The following CADPS2 variants were observed in gnomAD, a reference collection of about 807,000 sequenced individuals.
The protein encoded by CADPS2 is calcium dependent secretion activator 2, also known as calcium-dependent secretion activator 2.
In CADPS2, 93 loss-of-function variants were observed where a neutral mutation model predicts 172.5. The ratio of observed to expected loss-of-function variants is 0.54; its 90% CI spans 0.46 to 0.64. The LOEUF (loss-of-function observed/expected upper bound fraction) is 0.64, where lower values mean the gene tolerates loss of function less well. Among genes scored for constraint, CADPS2 ranks in the 30% least tolerant of loss-of-function variants. The probability of loss-of-function intolerance (pLI) is 0.00; values close to 1 mark genes in which losing one functional copy is unlikely to be tolerated. For missense variants in CADPS2, 1,420 were observed against 1,565.9 expected (o/e 0.91, Z 1.57); for synonymous variants, 546 against 555.2 (o/e 0.98, Z 0.23).
chr7:122,875,598 A>T (rs1821008061), intron 1 of CADPS2, among the ~76,000 whole-genome samples: 1 of 152,212 alleles, frequency 6.6e-6, no homozygotes, highest in Non-Finnish European at 1.5e-5. Context: ...AAGTACCATA[A>T]GCAACATTCT....
chr7:122,710,050 A>T (rs1435244615), intron 2 of CADPS2, among the ~76,000 whole-genome samples: 6 of 68,962 alleles, frequency 8.7e-5, no homozygotes, highest in African/African-American at 2.9e-4. Flanking sequence ...AAAGTATAAT[A>T]AAAAAAAAAA....
At position 122,393,554 on chromosome 7, in the gene CADPS2, T is replaced by C; in HGVS notation, c.2775A>G (p.Lys925=). 6.2e-7 allele frequency: 1 copy of C among 1,613,788 alleles called. No individual in the cohort carries two copies. The highest frequency in any genetic ancestry group is 2.2e-5 in the East Asian group (1 of 44,838). ...AGGGTACAAAGATTTCTTGCAAGTG[T>C]TTGTGAAATTTTCCATTACACAAAA... ...DTLLCNGKFH[K]HLQEIFVPLV... Residue 925 remains lysine, a synonymous_variant, in exon 21 of 30, where the codon AAA becomes AAG. Coordinates refer to ENST00000449022, the MANE Select transcript of CADPS2 (RefSeq NM_017954.11).
chr7:122,765,174 G>T (rs1433281196), intron 1 of CADPS2, among the ~76,000 whole-genome samples: 1 of 152,306 alleles, frequency 6.6e-6, no homozygotes, highest in East Asian at 1.9e-4. Context: ...CTGTTGGACA[G>T]ATCAAGATTT....
intron 27 of CADPS2, among the ~76,000 whole-genome samples, chr7:122,355,658 A>G (rs192396075): frequency 6.6e-6 from 1 of 151,894 alleles, no homozygotes; most frequent in East Asian, 1.9e-4. Flanking sequence ...AATTTTTTCT[A>G]GCTCTTTATC....
At chr7:122,487,077 G>A (rs1421908846) in intron 11 of CADPS2, among the ~76,000 whole-genome samples, 3 of 144,482 alleles carry the variant, frequency 2.1e-5, no homozygotes, top group Admixed American at 7.2e-5. Context: ...GTGCAGTGGC[G>A]CTATTTCACT....
At chr7:122,876,091 C>T (rs188177364) in intron 1 of CADPS2, among the ~76,000 whole-genome samples, 9 of 152,188 alleles carry the variant, frequency 5.9e-5, no homozygotes, top group Admixed American at 2.6e-4. Context: ...GAGGCTGAGG[C>T]GGGTGGATCA....
At chr7:122,425,903 C>G (rs1317142063) in intron 17 of CADPS2, 3 of 152,150 alleles carry the variant, frequency 2.0e-5, no homozygotes, top group Admixed American at 6.5e-5. Flanking sequence ...AGGACCAACA[C>G]GCCTCCACTC....
chr7:122,383,381 AC>A (rs1468514996), intron 24 of CADPS2, among the ~76,000 whole-genome samples: 1 of 152,054 alleles, frequency 6.6e-6, no homozygotes, highest in African/African-American at 2.4e-5. Flanking sequence ...CCTATTGAGT[AC>A]TATGCTCAAT....
intron 1 of CADPS2, among the ~76,000 whole-genome samples, chr7:122,755,935 T>C (rs1267566821): frequency 6.6e-6 from 1 of 152,156 alleles, no homozygotes; most frequent in Admixed American, 6.5e-5. Context: ...AACAAAATAG[T>C]GAATATAATA....
chr7:122,355,474 C>A (rs1051247409), intron 27 of CADPS2, among the ~76,000 whole-genome samples: 2 of 151,718 alleles, frequency 1.3e-5, no homozygotes, highest in African/African-American at 4.8e-5. Flanking sequence ...CCGGCTACTT[C>A]GGAAGCTGAG....
chr7:122,652,495 T>C (rs2079268284), intron 3 of CADPS2, among the ~76,000 whole-genome samples: 1 of 152,130 alleles, frequency 6.6e-6, no homozygotes, highest in Admixed American at 6.6e-5. Flanking sequence ...TCTAAAAGAA[T>C]ATATATATTT....
intron 6 of CADPS2, among the ~76,000 whole-genome samples, chr7:122,597,094 A>G (rs1587706222): frequency 6.6e-6 from 1 of 152,070 alleles, no homozygotes; most frequent in African/African-American, 2.4e-5. Context: ...CACTCAAGCC[A>G]TTCATGAGGG....
rs1175131748 is a variant in CADPS2 at position 122,708,482 on chromosome 7, ATATATT to A, written c.453+28467_453+28472del. On this transcript the variant is annotated intron_variant, in intron 2 of 29. Transcript: ENST00000449022. The stretch of plus-strand genomic sequence containing the variant: ...TGTGGATATATATATATATATATAT[ATATATT>A]GGATATGTAGATCCAAACATATTGT... Among the ~76,000 whole-genome samples, 59 of 143,270 alleles carry A rather than the reference ATATATT, an allele frequency of 4.1e-4. 1 individual carries two copies. Among genetic ancestry groups the A allele is most frequent in the South Asian group, 1.3e-3 (6 of 4,612 alleles). 94.0% of individuals were successfully genotyped at this position (143,270 alleles called of 152,430 possible).
chr7:122,511,755 T>C (rs1371604918), intron 9 of CADPS2, among the ~76,000 whole-genome samples: 2 of 152,138 alleles, frequency 1.3e-5, no homozygotes, highest in African/African-American at 4.8e-5. Flanking sequence ...TTAGAAAAAC[T>C]TGATAAAGAC....
At chr7:122,524,275 C>T (rs1333562252) in intron 8 of CADPS2, among the ~76,000 whole-genome samples, 3 of 152,142 alleles carry the variant, frequency 2.0e-5, no homozygotes, top group African/African-American at 7.2e-5. Context: ...ACATGTAATA[C>T]AGGTAATCCT....
intron 19 of CADPS2, among the ~76,000 whole-genome samples, chr7:122,409,774 G>T (rs867728209): frequency 4.6e-5 from 7 of 152,144 alleles, no homozygotes; most frequent in Admixed American, 4.6e-4. Flanking sequence ...GAAGATGAGG[G>T]GCTGTATAAT....
At chr7:122,668,938 T>C (rs987000) in intron 2 of CADPS2, among the ~76,000 whole-genome samples, 117,462 of 152,126 alleles carry the variant, frequency 0.77, 45,375 homozygotes, top group Non-Finnish European at 0.81. Context: ...TGTCCATTCC[T>C]CCATCAAAAC....
At chr7:122,411,028 C>T (rs2047240860) in intron 19 of CADPS2, among the ~76,000 whole-genome samples, 1 of 152,096 alleles carries the variant, frequency 6.6e-6, no homozygotes, top group Admixed American at 6.5e-5. Context: ...AGCCTAGAGA[C>T]CAAGTTCTTA....
At chr7:122,381,312 G>C (rs1348564447) in intron 24 of CADPS2, among the ~76,000 whole-genome samples, 5 of 152,126 alleles carry the variant, frequency 3.3e-5, no homozygotes, top group Admixed American at 2.6e-4. Flanking sequence ...CACCTCTTTA[G>C]GGGTAGAAGA....
Sources: allele counts gnomAD v4.1 joint callset (sites outside exome capture counted in the v4.1 genomes callset), GRCh38; gene constraint gnomAD v4.1.1; transcripts MANE v1.5; gene names NCBI Gene and HGNC (gene_info 2026-07-23, HGNC 2026-07-21).